The following DGUOK variants were observed in gnomAD, a reference collection of about 807,000 sequenced individuals.
DGUOK encodes the protein deoxyguanosine kinase.
Under a neutral mutation model 36.6 loss-of-function variants are expected in DGUOK, and 30 were observed. The observed-to-expected ratio is 0.82, with a 90% CI of 0.61 to 1.11. The LOEUF is 1.11. DGUOK is among the 50% of genes most tolerant of loss of function. The pLI is 0.00. For synonymous variants in DGUOK, 145 were observed against 126.3 expected (o/e 1.15, Z -0.99); for missense variants, 361 against 336.4 (o/e 1.07, Z -0.57).
In DGUOK at chr2:73,946,823, A is replaced by G; in HGVS notation, c.360A>G (p.Lys120=). The change falls in exon 3 of 7, where the codon AAA becomes AAG. Residue 120 remains lysine (K), a synonymous_variant. Transcript: ENST00000264093. The stretch of plus-strand genomic sequence containing the variant: ...CATTTTCCTTTTTGAGCCGCCTGAA[A>G]GTACAGCTGGAGCCCTTCCCTGAGA... ...FQTFSFLSRL[K]VQLEPFPEKL... The G allele has an allele frequency of 1.2e-6, 2 of 1,614,046 alleles. No homozygotes were observed. The highest frequency in any genetic ancestry group is 1.7e-6 in the Non-Finnish European group (2 of 1,180,026).
At chr2:73,958,630 C>A in intron 6 of DGUOK, 80 bp from the exon 7 acceptor site, 1 of 1,214,522 alleles carries the variant, frequency 8.2e-7, no homozygotes, top group Non-Finnish European at 1.2e-6. Context: ...ATGGGCTTGG[C>A]TGCATATGCA....
chr2:73,927,754 A>G (rs1226114226), intron 1 of DGUOK, among the ~76,000 whole-genome samples: 2 of 152,268 alleles, frequency 1.3e-5, no homozygotes, highest in East Asian at 1.9e-4. Flanking sequence ...AATAAAAAGT[A>G]GTCAGAAAGC....
intron 2 of DGUOK, among the ~76,000 whole-genome samples, chr2:73,944,755 A>G (rs985633825): frequency 6.6e-6 from 1 of 152,138 alleles, no homozygotes; most frequent in African/African-American, 2.4e-5. Context: ...CACTGGTGCA[A>G]TAGAACCCAC....
intron 2 of DGUOK, among the ~76,000 whole-genome samples, chr2:73,942,018 C>T (rs577146389): frequency 1.2e-4 from 18 of 151,412 alleles, no homozygotes; most frequent in African/African-American, 3.9e-4. Context: ...AAGCAGTTCT[C>T]CCTGCCTCAG....
intron 1 of DGUOK, among the ~76,000 whole-genome samples, chr2:73,936,739 A>G (rs1468810729): frequency 6.6e-6 from 1 of 152,188 alleles, no homozygotes; most frequent in Non-Finnish European, 1.5e-5. Flanking sequence ...TATATTGTGT[A>G]TTTTATTCAT....
Position 73,927,072 on chromosome 2 carries a change from T to A in DGUOK, c.142+20T>A, listed in dbSNP as rs1472936403. The A allele has an allele frequency of 6.2e-7, 1 of 1,605,098 alleles. No individual in the cohort carries two copies. The highest frequency in any genetic ancestry group is 1.7e-5 in the Admixed American group (1 of 60,008). On this transcript the variant is annotated intron_variant, in intron 1 of 6. Transcript: ENST00000264093. ...ACATTGGTAAGGGCCGGAAAGCGGC[T>A]GCCAAGCCTTGGCCTCCGCCACGCA...
chr2:73,941,140 C>G (rs1681874549), intron 2 of DGUOK, among the ~76,000 whole-genome samples: 1 of 152,216 alleles, frequency 6.6e-6, no homozygotes, highest in Non-Finnish European at 1.5e-5. Flanking sequence ...TGTCAGGAAG[C>G]AGCCTTTTCA....
chr2:73,940,841 A>T (rs1486623537), intron 2 of DGUOK, among the ~76,000 whole-genome samples: 1 of 152,188 alleles, frequency 6.6e-6, no homozygotes, highest in Non-Finnish European at 1.5e-5. Flanking sequence ...AGGCTATCCC[A>T]TCTAGGTTTG....
intron 1 of DGUOK, among the ~76,000 whole-genome samples, chr2:73,929,312 A>G (rs920450748): frequency 3.9e-5 from 6 of 152,018 alleles, no homozygotes; most frequent in Non-Finnish European, 7.4e-5. Context: ...GTCTCACTAT[A>G]TTTTCCAGGC....
chr2:73,952,889 T>TA (rs1682799220), intron 4 of DGUOK, among the ~76,000 whole-genome samples: 1 of 152,160 alleles, frequency 6.6e-6, no homozygotes, highest in South Asian at 2.1e-4. Flanking sequence ...AACTGGTTAA[T>TA]TTATAAAGAG....
chr2:73,957,944 A>C (rs1372127542), intron 5 of DGUOK: 1 of 489,474 alleles, frequency 2.0e-6, no homozygotes, highest in Non-Finnish European at 3.8e-6. Context: ...TATCACTCTC[A>C]AGAATGAAGA....
rs1464688 is a variant in DGUOK, at chr2:73,952,059, A to G, written c.591+1327A>G. ...GTTATGTGTGCCTGTGGTTTTAGCT[A>G]TTGGGGAGGTGAGACAGGAGGATCA... On this transcript the variant is annotated intron_variant, in intron 4 of 6. Transcript: ENST00000264093. 0.012 allele frequency among the ~76,000 whole-genome samples: 1,751 copies of G among 152,196 alleles called. 74 individuals are homozygous for G. In the East Asian group the frequency reaches 0.13, roughly 11 times the overall value.
intron 3 of DGUOK, chr2:73,947,204 TAACCATCACATGCTA>T (rs1463997094): frequency 2.4e-6 from 1 of 419,716 alleles, no homozygotes; most frequent in African/African-American, 2.0e-5. Flanking sequence ...CCACCTAATG[TAACCATCACATGCTA>T]AAAGGCACAT....
chr2:73,930,782 C>CTTTTTTTTTTTTTTTTTT (rs1020072202), intron 1 of DGUOK, among the ~76,000 whole-genome samples: 1 of 95,476 alleles, frequency 1.0e-5, no homozygotes, highest in Non-Finnish European at 2.2e-5. Context: ...ACATAATTTT[C>CTTTTTTTTTTTTTTTTTT]TTTTTTTTTT....
At chr2:73,940,737 G>A (rs1681837709) in intron 2 of DGUOK, among the ~76,000 whole-genome samples, 2 of 152,264 alleles carry the variant, frequency 1.3e-5, no homozygotes, top group East Asian at 1.9e-4. Flanking sequence ...TTACCATTGT[G>A]TTACAGTTGC....
intron 1 of DGUOK, among the ~76,000 whole-genome samples, chr2:73,931,891 A>G (rs1404581513): frequency 6.6e-6 from 1 of 152,116 alleles, no homozygotes. Context: ...GAGATTTTGG[A>G]AGCGGGATTG....
At chr2:73,957,578 G>A (rs577637815) in intron 5 of DGUOK, among the ~76,000 whole-genome samples, 6 of 152,306 alleles carry the variant, frequency 3.9e-5, no homozygotes, top group South Asian at 2.1e-4. Context: ...GGAGGCTGAG[G>A]CAGGAGAATC....
chr2:73,943,623 A>G (rs1309202593), intron 2 of DGUOK, among the ~76,000 whole-genome samples: 1 of 151,660 alleles, frequency 6.6e-6, no homozygotes, highest in Non-Finnish European at 1.5e-5. Flanking sequence ...TCATTATTGG[A>G]CAACTGTTTT....
intron 6 of DGUOK, 59 bp downstream of exon 6, chr2:73,958,304 C>A: frequency 7.2e-7 from 1 of 1,384,912 alleles, no homozygotes; most frequent in Non-Finnish European, 1.0e-6. Context: ...TTTTATCTTT[C>A]TGGCCTTTGC....
Sources: allele counts gnomAD v4.1 joint callset (sites outside exome capture counted in the v4.1 genomes callset), GRCh38; gene constraint gnomAD v4.1.1; transcripts MANE v1.5; gene names NCBI Gene and HGNC (gene_info 2026-07-23, HGNC 2026-07-21).